Variants in CASK observed in about 807,000 individuals in gnomAD.
CASK encodes the protein calcium/calmodulin dependent serine protein kinase, also known as peripheral plasma membrane protein CASK.
In CASK, 4 loss-of-function variants were observed where a neutral mutation model predicts 82.9. The ratio of observed to expected loss-of-function variants is 0.05; its 90% CI spans 0.02 to 0.11. The LOEUF is 0.11. Ranked by LOEUF, CASK falls within the 10% of genes least tolerant of loss-of-function variation. The pLI, the probability that CASK is intolerant of heterozygous loss-of-function variation, is 1.00. For missense variants in CASK, 358 were observed against 720.9 expected, an observed-to-expected ratio of 0.50 and a Z score of 5.76; for synonymous variants, 259 against 253.5, an observed-to-expected ratio of 1.02 and a Z score of -0.20.
At chrX:41,581,302 C>A (rs1200047551) in intron 14 of CASK, among the ~76,000 whole-genome samples, 1 of 110,276 alleles carries the variant, frequency 9.1e-6, no homozygotes, top group Non-Finnish European at 1.9e-5. Flanking sequence ...GATTGCTTTG[C>A]CCAGGAGTTG....
intron 2 of CASK, among the ~76,000 whole-genome samples, chrX:41,792,692 G>C (rs928420011): frequency 1.2e-4 from 13 of 110,787 alleles, no homozygotes; most frequent in Non-Finnish European, 2.1e-4. Context: ...AAAAGAAACA[G>C]GTAAAATTCA....
chrX:41,641,175 G>T (rs1207385463), intron 8 of CASK, among the ~76,000 whole-genome samples: 4 of 109,565 alleles, frequency 3.7e-5, no homozygotes, highest in Non-Finnish European at 5.7e-5. Flanking sequence ...TAGTAGAGAC[G>T]GAGTTTCACC....
At position 41,715,380 on chromosome X, in the gene CASK, G is replaced by C. The variant is rs184771344; in HGVS notation, c.429+24004C>G. Among the ~76,000 whole-genome samples, 138 of 111,820 alleles carry C rather than the reference G, an allele frequency of 1.2e-3. 2 individuals are homozygous for C. Among genetic ancestry groups the C allele is most frequent in the African/African-American group, 4.4e-3 (134 of 30,774 alleles). ...CATGCCTGTAATCCCAGCGCTTTGG[G>C]AGGCCAAGGTGGGTGGATCACCTGA... On this transcript the variant is annotated intron_variant, in intron 5 of 26. Transcript: ENST00000378163.
intron 15 of CASK, among the ~76,000 whole-genome samples, chrX:41,573,818 C>T (rs1021652591): frequency 1.8e-5 from 2 of 111,826 alleles, no homozygotes; most frequent in Non-Finnish European, 1.9e-5. Flanking sequence ...ATCAGTTACT[C>T]GGACATAGTT....
chrX:41,918,086 G>A (rs970773631), intron 1 of CASK, among the ~76,000 whole-genome samples: 4 of 111,909 alleles, frequency 3.6e-5, no homozygotes, highest in East Asian at 2.8e-4. Context: ...AAAATTCTCG[G>A]TTCCTTCAGG....
intron 21 of CASK, among the ~76,000 whole-genome samples, chrX:41,551,965 C>T (rs1396450680): frequency 1.9e-5 from 2 of 106,293 alleles, no homozygotes; most frequent in Admixed American, 1.0e-4. Context: ...CTCACTCTGT[C>T]GTCCAGGCTA....
At chrX:41,863,911 G>A (rs745545149) in intron 1 of CASK, among the ~76,000 whole-genome samples, 1 of 111,898 alleles carries the variant, frequency 8.9e-6, no homozygotes, top group Non-Finnish European at 1.9e-5. Context: ...TAAGGGGTGT[G>A]TTCTGTTAAT....
At chrX:41,578,314 A>T (rs748579618) in intron 15 of CASK, 26 bp downstream of exon 15, 3 of 1,112,714 alleles carry the variant, frequency 2.7e-6, no homozygotes. Context: ...TTATGAGAGT[A>T]TTGAAAACTT....
chrX:41,680,183 CA>C (rs1249667322), intron 5 of CASK, among the ~76,000 whole-genome samples: 228 of 79,748 alleles, frequency 2.9e-3, no homozygotes, highest in Middle Eastern at 8.7e-3. Flanking sequence ...GACCTTGTCT[CA>C]AAAAAAAAAA....
chrX:41,594,992 T>G (rs1297176983), intron 12 of CASK, among the ~76,000 whole-genome samples: 2 of 111,796 alleles, frequency 1.8e-5, no homozygotes, highest in Non-Finnish European at 3.8e-5. Flanking sequence ...TGACATTAGG[T>G]AATAGCCCCT....
intron 3 of CASK, among the ~76,000 whole-genome samples, chrX:41,777,370 T>C (rs2069384845): frequency 9.2e-6 from 1 of 109,267 alleles, no homozygotes. Context: ...TGCATGCCTG[T>C]AGTCCCAGCT....
intron 1 of CASK, among the ~76,000 whole-genome samples, chrX:41,891,127 C>T (rs1177190523): frequency 1.8e-5 from 2 of 109,615 alleles, no homozygotes; most frequent in Non-Finnish European, 3.8e-5. Flanking sequence ...TGACCTCAAG[C>T]GATCTGCCCA....
At chrX:41,805,547 T>C (rs1174047107) in intron 2 of CASK, among the ~76,000 whole-genome samples, 1 of 112,085 alleles carries the variant, frequency 8.9e-6, no homozygotes, top group East Asian at 2.8e-4. Context: ...TAGCTTTATA[T>C]TTGTGGATTT....
intron 1 of CASK, among the ~76,000 whole-genome samples, chrX:41,893,338 A>T (rs186987210): frequency 8.9e-6 from 1 of 112,444 alleles, no homozygotes; most frequent in Non-Finnish European, 1.9e-5. Context: ...TGTCAAAAAC[A>T]ATAGCAATCA....
At chrX:41,690,378 G>A (rs147492317) in intron 5 of CASK, among the ~76,000 whole-genome samples, 8 of 109,965 alleles carry the variant, frequency 7.3e-5, no homozygotes, top group East Asian at 2.8e-4. Context: ...ACAGACTCTC[G>A]CTCTGTTGCC....
intron 3 of CASK, among the ~76,000 whole-genome samples, chrX:41,753,120 T>A (rs1372737275): frequency 8.9e-6 from 1 of 112,326 alleles, no homozygotes; most frequent in Non-Finnish European, 1.9e-5. Flanking sequence ...TCATAATACA[T>A]TAACATGTAT....
At chrX:41,630,305 G>A (rs2066444027) in intron 9 of CASK, among the ~76,000 whole-genome samples, 2 of 111,825 alleles carry the variant, frequency 1.8e-5, no homozygotes, top group Admixed American at 1.9e-4. Flanking sequence ...TTTAACTACT[G>A]AATGCACTTA....
At chrX:41,838,775 G>A (rs949495849) in intron 2 of CASK, among the ~76,000 whole-genome samples, 3 of 110,928 alleles carry the variant, frequency 2.7e-5, no homozygotes, top group African/African-American at 9.8e-5. Flanking sequence ...AAAAAGCTAT[G>A]TAGCTTTATG....
chrX:41,734,520 C>A (rs1015694852), intron 5 of CASK, among the ~76,000 whole-genome samples: 1 of 111,119 alleles, frequency 9.0e-6, no homozygotes, highest in Non-Finnish European at 1.9e-5. Flanking sequence ...CATTCTTTCA[C>A]AAGAAAAAGT....
Sources: allele counts gnomAD v4.1 joint callset (sites outside exome capture counted in the v4.1 genomes callset), GRCh38; gene constraint gnomAD v4.1.1; transcripts MANE v1.5; gene names NCBI Gene and HGNC (gene_info 2026-07-23, HGNC 2026-07-21).